Variants in PTPRM observed in about 807,000 individuals in gnomAD.
The protein encoded by PTPRM is receptor-type tyrosine-protein phosphatase mu.
In PTPRM, 47 loss-of-function variants were observed where a neutral mutation model predicts 186.7. The observed-to-expected ratio is 0.25, with a 90% CI of 0.20 to 0.32. The LOEUF (loss-of-function observed/expected upper bound fraction) is 0.32, where lower values mean the gene tolerates loss of function less well. PTPRM is among the 10% of genes least tolerant of loss of function. PTPRM has a pLI of 1.00. For missense variants in PTPRM, 1,494 were observed against 1,865.0 expected (o/e 0.80, Z 3.66); for synonymous variants, 668 against 674.9 (o/e 0.99, Z 0.16).
intron 2 of PTPRM, among the ~76,000 whole-genome samples, chr18:7,854,071 A>C (rs1395197173): frequency 6.6e-6 from 1 of 152,238 alleles, no homozygotes; most frequent in African/African-American, 2.4e-5. Context: ...AAGTTTCACA[A>C]AACAGAAAAT....
chr18:8,107,310 T>C (rs1477340055), intron 11 of PTPRM, among the ~76,000 whole-genome samples: 1 of 152,194 alleles, frequency 6.6e-6, no homozygotes, highest in Non-Finnish European at 1.5e-5. Context: ...AGATTAATGA[T>C]AGGTGGCCTT....
intron 1 of PTPRM, among the ~76,000 whole-genome samples, chr18:7,657,011 G>C (rs2038865797): frequency 6.6e-6 from 1 of 152,054 alleles, no homozygotes; most frequent in Admixed American, 6.6e-5. Context: ...GAAACTTTCT[G>C]CTTCTTACCA....
At position 8,114,930 on chromosome 18, in the gene PTPRM, A is replaced by G. The variant is rs138973254; in HGVS notation, c.2167+103A>G. 190 of 866,906 alleles carry G rather than the reference A, an allele frequency of 2.2e-4. No individual in the cohort carries two copies. In the African/African-American group the frequency reaches 2.6e-3, roughly 12 times the overall value. 53.7% of individuals were successfully genotyped at this position (866,906 alleles called of 1,614,324 possible). On this transcript the variant is annotated intron_variant, in intron 13 of 32. Transcript: ENST00000580170. ...GAACTGGAACTTAATTGAAAATAAA[A>G]TGTGTGTATTATATATACATATATA...
chr18:7,753,087 G>A (rs942047877), intron 1 of PTPRM, among the ~76,000 whole-genome samples: 3 of 152,080 alleles, frequency 2.0e-5, no homozygotes, highest in Non-Finnish European at 4.4e-5. Context: ...AGTTTGGAAG[G>A]GGATACAGGT....
chr18:7,887,042 C>G (rs889589725), intron 2 of PTPRM, among the ~76,000 whole-genome samples: 2 of 151,910 alleles, frequency 1.3e-5, no homozygotes, highest in African/African-American at 2.4e-5. Context: ...TATATACACA[C>G]CTTGAACATT....
chr18:8,051,842 A>G (rs635157), intron 7 of PTPRM, among the ~76,000 whole-genome samples: 92,569 of 152,050 alleles, frequency 0.61, 28,329 homozygotes, highest in Non-Finnish European at 0.65. Flanking sequence ...TTCTCTAGGA[A>G]TGCATTTTTC....
chr18:7,703,523 G>A (rs950540990), intron 1 of PTPRM, among the ~76,000 whole-genome samples: 1 of 152,178 alleles, frequency 6.6e-6, no homozygotes, highest in Non-Finnish European at 1.5e-5. Flanking sequence ...CATTGATTTT[G>A]TATCTTGAGA....
At chr18:8,245,800 A>G (rs1476207984) in intron 15 of PTPRM, among the ~76,000 whole-genome samples, 4 of 152,210 alleles carry the variant, frequency 2.6e-5, no homozygotes, top group African/African-American at 9.7e-5. Flanking sequence ...CACTCATCCC[A>G]AAAGCAAGAA....
intron 1 of PTPRM, among the ~76,000 whole-genome samples, chr18:7,604,703 A>T (rs746195452): frequency 3.3e-4 from 50 of 152,334 alleles, no homozygotes; most frequent in Middle Eastern, 6.8e-3. Context: ...CAGTAACTGT[A>T]TACAGAAAGG....
intron 1 of PTPRM, among the ~76,000 whole-genome samples, chr18:7,627,851 G>C (rs1598567946): frequency 1.3e-5 from 2 of 152,250 alleles, no homozygotes; most frequent in Admixed American, 1.3e-4. Context: ...TTAGGAAATG[G>C]GGTGTTGTGC....
chr18:8,371,061 T>C, intron 24 of PTPRM, 55 bp downstream of exon 24: 1 of 1,055,726 alleles, frequency 9.5e-7, no homozygotes, highest in Non-Finnish European at 1.4e-6. Context: ...GGTACCATAC[T>C]AGCCTCATTA....
At chr18:7,836,272 G>T (rs1432554961) in intron 2 of PTPRM, among the ~76,000 whole-genome samples, 2 of 151,744 alleles carry the variant, frequency 1.3e-5, no homozygotes, top group Admixed American at 6.6e-5. Flanking sequence ...TATGTTTTTT[G>T]ATTTAAAGTT....
intron 15 of PTPRM, among the ~76,000 whole-genome samples, chr18:8,247,323 AG>A (rs2094486263): frequency 6.6e-6 from 1 of 152,222 alleles, no homozygotes; most frequent in Admixed American, 6.5e-5. Flanking sequence ...CATTTTTGTA[AG>A]GATTTAAAAT....
At chr18:7,729,964 A>G (rs2040623776) in intron 1 of PTPRM, among the ~76,000 whole-genome samples, 1 of 152,168 alleles carries the variant, frequency 6.6e-6, no homozygotes, top group South Asian at 2.1e-4. Context: ...TATATGAAAT[A>G]CTTTTCAAGT....
intron 22 of PTPRM, among the ~76,000 whole-genome samples, chr18:8,320,323 G>A (rs2095337894): frequency 6.6e-6 from 1 of 152,150 alleles, no homozygotes. Flanking sequence ...ACCGTGAGGA[G>A]AGGGAAGGAG....
intron 7 of PTPRM, among the ~76,000 whole-genome samples, chr18:7,974,149 C>G (rs891881417): frequency 1.3e-5 from 2 of 152,276 alleles, no homozygotes; most frequent in South Asian, 2.1e-4. Flanking sequence ...AAAAAGGCAG[C>G]TGCTATGAAA....
chr18:7,659,117 TACACACACACACAC>T (rs10541547), intron 1 of PTPRM, among the ~76,000 whole-genome samples: 1 of 143,916 alleles, frequency 6.9e-6, no homozygotes, highest in Non-Finnish European at 1.5e-5. Context: ...CACATGTATG[TACACACACACACAC>T]ACACACACAC....
intron 13 of PTPRM, among the ~76,000 whole-genome samples, chr18:8,133,770 G>T (rs1431396834): frequency 2.6e-5 from 4 of 152,090 alleles, no homozygotes; most frequent in Non-Finnish European, 1.5e-5. Flanking sequence ...CTCATGGAAG[G>T]CCTTTTGAAA....
chr18:7,787,207 A>T (rs896830531), intron 2 of PTPRM, among the ~76,000 whole-genome samples: 1 of 152,206 alleles, frequency 6.6e-6, no homozygotes, highest in Non-Finnish European at 1.5e-5. Context: ...GTGATCTTGC[A>T]TGTGTCATAT....
Sources: gnomAD v4.1 joint callset for allele counts (sites outside exome capture counted in the v4.1 genomes callset) on GRCh38, gnomAD v4.1.1 for gene constraint, MANE v1.5 for transcripts, NCBI Gene and HGNC (gene_info 2026-07-23, HGNC 2026-07-21) for gene names.